RSRP1: variants seen among roughly 807,000 people sequenced by gnomAD.
RSRP1 encodes the protein arginine and serine rich protein 1.
Under a neutral mutation model 33.0 loss-of-function variants are expected in RSRP1, and 37 were observed. The observed-to-expected ratio is 1.12, with a 90% CI of 0.86 to 1.48. The LOEUF (loss-of-function observed/expected upper bound fraction) is 1.48. Among genes scored for constraint, RSRP1 ranks in the 40% most tolerant of loss-of-function variants. RSRP1 has a pLI of 0.00. For missense variants in RSRP1, 402 were observed against 385.3 expected (o/e 1.04, Z -0.36); for synonymous variants, 167 against 158.7 (o/e 1.05, Z -0.40).
At chr1:25,257,752 T>C (rs968331868) in intron 1 of RSRP1, among the ~76,000 whole-genome samples, 12 of 151,906 alleles carry the variant, frequency 7.9e-5, no homozygotes, top group Non-Finnish European at 1.6e-4. Context: ...GGCACACGTC[T>C]CCATGCCCAG....
intron 1 of RSRP1, chr1:25,301,606 A>C (rs1553143921): frequency 7.2e-7 from 1 of 1,379,804 alleles, no homozygotes; most frequent in Non-Finnish European, 1.0e-6. Flanking sequence ...CGTGTTCAAC[A>C]CCTACTATGC....
At chr1:25,260,965 C>T (rs1640118786) in intron 1 of RSRP1, among the ~76,000 whole-genome samples, 2 of 152,162 alleles carry the variant, frequency 1.3e-5, no homozygotes, top group South Asian at 4.1e-4. Flanking sequence ...TCATGTCTGG[C>T]TAATTTTTGT....
At chr1:25,262,200 G>A (rs113198250) in intron 1 of RSRP1, among the ~76,000 whole-genome samples, 2 of 152,212 alleles carry the variant, frequency 1.3e-5, no homozygotes, top group Admixed American at 6.5e-5. Flanking sequence ...TTAAAAAATG[G>A]CTACTTTCAA....
chr1:25,312,486 T>C lies in RSRP1; in HGVS notation c.-67+25492A>G, dbSNP rs146205917. ...TTGTCTAAGTGTGGTGTTTCATGCCTGTAATCCCAGTGATTTGGGAGGTTG... is the reference window on the plus strand; with the variant it reads ...TTGTCTAAGTGTGGTGTTTCATGCCCGTAATCCCAGTGATTTGGGAGGTTG... On this transcript the variant is annotated intron_variant, in intron 1 of 1. Coordinates refer to the RSRP1 transcript ENST00000561867. Among the ~76,000 whole-genome samples, 99 of 129,324 alleles carry C rather than the reference T, an allele frequency of 7.7e-4. 11 individuals carry two copies. The highest frequency in any genetic ancestry group is 2.4e-3 in the African/African-American group (90 of 37,970). The allele number at this position is 129,324 out of a possible 152,430, so 84.8% of individuals were successfully genotyped here.
At chr1:25,252,924 T>C (rs1326737876) in intron 1 of RSRP1, among the ~76,000 whole-genome samples, 1 of 152,256 alleles carries the variant, frequency 6.6e-6, no homozygotes, top group Non-Finnish European at 1.5e-5. Flanking sequence ...GGTCAGCCTA[T>C]TTTCAAGGTT....
rs1203282333 is a variant in RSRP1 at position 25,283,560 on chromosome 1, C to A, written c.-66-36531G>T. ...TAAAAAAAAAAATCTTAGCTCTACCCACCGGGGCAAGTTACGTAACGCCTC... is the reference window on the plus strand; with the variant it reads ...TAAAAAAAAAAATCTTAGCTCTACCAACCGGGGCAAGTTACGTAACGCCTC... On this transcript the variant is annotated intron_variant, in intron 1 of 1. Transcript: ENST00000561867. Among the ~76,000 whole-genome samples the A allele has an allele frequency of 1.1e-4, 15 of 131,456 alleles. 5 individuals are homozygous for A. Among genetic ancestry groups the A allele is most frequent in the African/African-American group, 4.0e-4 (15 of 37,970 alleles). The allele number at this position is 131,456 out of a possible 152,430, so 86.2% of individuals were successfully genotyped here. A position where few individuals can be genotyped will look rare whatever the true frequency, so the allele number is the denominator to read the frequency against.
Position 25,306,823 on chromosome 1 carries a change from G to A in RSRP1, c.-67+31155C>T, listed in dbSNP as rs533903485. 337 of 1,119,504 alleles carry A rather than the reference G, an allele frequency of 3.0e-4. 56 individuals are homozygous for A. In the African/African-American group the frequency reaches 4.0e-3, roughly 13 times the overall value. The allele number at this position is 1,119,504 out of a possible 1,614,324, so 69.3% of individuals were successfully genotyped here. A position where few individuals can be genotyped will look rare whatever the true frequency, so the allele number is the denominator to read the frequency against. On this transcript the variant is annotated intron_variant, in intron 1 of 1. Coordinates refer to the RSRP1 transcript ENST00000561867. Reference sequence around the variant, plus strand: ...GTCCTTAGCTGGGGCGTGTGCACTCGGGGCCAGGTGCTCAGTAGGCTTCGG... The same window carrying A: ...GTCCTTAGCTGGGGCGTGTGCACTCAGGGCCAGGTGCTCAGTAGGCTTCGG...
At chr1:25,317,096 CT>C (rs1644475529) in intron 1 of RSRP1, 1 of 109,492 alleles carries the variant, frequency 9.1e-6, no homozygotes, top group African/African-American at 3.9e-5. Context: ...GTGAGGCCAC[CT>C]TTCTTCCACC....
rs571487243 is a variant in RSRP1 at position 25,273,435 on chromosome 1, T to C, written c.-66-26406A>G. 7.9e-4 allele frequency among the ~76,000 whole-genome samples: 79 copies of C among 100,092 alleles called. 8 individuals carry two copies. The South Asian group carries it at 0.024, about 30-fold the overall frequency. The allele number at this position is 100,092 out of a possible 152,430, so 65.7% of individuals were successfully genotyped here. ...CTGGAATTACAGGCGTGAAGCACTGTGCCCAGCTCTCTTGCTCATATCTAT... is the reference window on the plus strand; with the variant it reads ...CTGGAATTACAGGCGTGAAGCACTGCGCCCAGCTCTCTTGCTCATATCTAT... On this transcript the variant is annotated intron_variant, in intron 1 of 1. Coordinates refer to the RSRP1 transcript ENST00000561867.
At chr1:25,331,481 G>T (rs1248919360) in intron 1 of RSRP1, among the ~76,000 whole-genome samples, 1 of 131,276 alleles carries the variant, frequency 7.6e-6, no homozygotes, top group Non-Finnish European at 1.8e-5. Context: ...CGTGATTACT[G>T]TCCTTATGCA....
At chr1:25,337,859 G>A (rs1298028443) in intron 1 of RSRP1, 6 of 150,572 alleles carry the variant, frequency 4.0e-5, no homozygotes, top group African/African-American at 1.5e-4. Flanking sequence ...CCCGCCTCCT[G>A]GAGCTGAACC....
intron 1 of RSRP1, chr1:25,294,105 A>C: frequency 1.5e-6 from 1 of 661,440 alleles, no homozygotes; most frequent in East Asian, 2.5e-5. Flanking sequence ...GCTTAATGGC[A>C]TGACAAAGCA....
chr1:25,265,274 G>T (rs947580459), intron 1 of RSRP1, among the ~76,000 whole-genome samples: 1 of 11,796 alleles, frequency 8.5e-5, no homozygotes, highest in Non-Finnish European at 2.0e-4. Context: ...GGTTTACATT[G>T]TAAAAGCTTC....
Position 25,246,934 on chromosome 1 carries a change from C to T in RSRP1, c.30G>A (p.Pro10=), listed in dbSNP as rs775469720. ...GCGAATCCTTCTCCTGCGGCGAGCC[C>T]GGCCACATGTCGTTCACGTAGTTGG... MSNYVNDMW[P]GSPQEKDSPS... is the part of the protein sequence containing the mutation. The change falls in exon 2 of 5, where the codon CCG becomes CCA. Residue 10 remains proline (P), a synonymous_variant. Transcript: ENST00000243189. 6.3e-7 allele frequency: 1 copy of T among 1,590,560 alleles called. No homozygotes were observed. The highest frequency in any genetic ancestry group is 2.3e-5 in the East Asian group (1 of 44,374).
At chr1:25,254,573 T>C in intron 1 of RSRP1, among the ~76,000 whole-genome samples, 1 of 152,100 alleles carries the variant, frequency 6.6e-6, no homozygotes, top group East Asian at 1.9e-4. Flanking sequence ...GTAGCTGGGA[T>C]TATAGGCGCC....
In RSRP1 at chr1:25,242,674, G is replaced by C; in HGVS notation, c.788C>G (p.Ala263Gly). The C allele has an allele frequency of 6.2e-7, 1 of 1,609,828 alleles. No homozygotes were observed. The highest frequency in any genetic ancestry group is 1.1e-5 in the South Asian group (1 of 90,984). ...NSVAKPIQKS[A>G]KAATEEASSR... ...AGATGCCTCTTCTGTGGCAGCTTTA[G>C]CTGATTTTTGTATTGGCTTTGCTAC... The change falls in exon 5 of 5, where the codon GCT becomes GGT. Residue 263 changes from alanine (A) to glycine (G), a missense_variant. Coordinates refer to ENST00000243189, the MANE Select transcript of RSRP1 (RefSeq NM_020317.5).
intron 2 of RSRP1, 138 bp from the exon 3 acceptor site, chr1:25,245,439 A>G: frequency 8.0e-7 from 1 of 1,252,152 alleles, no homozygotes. Context: ...TAGGTAAACT[A>G]AGGTTGCCCT....
At chr1:25,281,812 A>G (rs1315093481) in intron 1 of RSRP1, among the ~76,000 whole-genome samples, 1 of 132,340 alleles carries the variant, frequency 7.6e-6, no homozygotes, top group African/African-American at 2.6e-5. Context: ...GGGGCCTCCT[A>G]TATCCTGGTG....
intron 1 of RSRP1, among the ~76,000 whole-genome samples, chr1:25,272,859 T>C (rs1640613004): frequency 7.6e-6 from 1 of 131,598 alleles, no homozygotes; most frequent in African/African-American, 2.6e-5. Flanking sequence ...GCCAACAATG[T>C]AAGCTTTCCT....
Sources: gnomAD v4.1 joint callset for allele counts (sites outside exome capture counted in the v4.1 genomes callset) on GRCh38, gnomAD v4.1.1 for gene constraint, MANE v1.5 for transcripts, NCBI Gene and HGNC (gene_info 2026-07-23, HGNC 2026-07-21) for gene names.